Variants in CTNND2 observed in about 807,000 individuals in gnomAD.
CTNND2 encodes catenin delta-2.
A neutral mutation model predicts 144.4 loss-of-function variants in CTNND2; 22 were observed. The observed-to-expected ratio is 0.15, with a 90% CI of 0.11 to 0.22. CTNND2 has a LOEUF of 0.22. CTNND2 is among the 10% of genes least tolerant of loss of function. The pLI is 1.00. For synonymous variants in CTNND2, 751 were observed against 695.6 expected (o/e 1.08, Z -1.25); for missense variants, 1,353 against 1,618.8 (o/e 0.84, Z 2.82).
chr5:11,787,836 C>T (rs1452879151), intron 1 of CTNND2, among the ~76,000 whole-genome samples: 1 of 152,092 alleles, frequency 6.6e-6, no homozygotes, highest in Non-Finnish European at 1.5e-5. Flanking sequence ...TTTCTATTCC[C>T]TAGTGAGATT....
chr5:11,593,897 T>C (rs555556102), intron 2 of CTNND2, among the ~76,000 whole-genome samples: 1 of 150,322 alleles, frequency 6.7e-6, no homozygotes, highest in African/African-American at 2.5e-5. Flanking sequence ...TTAGAATGAT[T>C]AAAATTCAGA....
chr5:11,754,163 C>T (rs1355187835), intron 1 of CTNND2, among the ~76,000 whole-genome samples: 1 of 151,066 alleles, frequency 6.6e-6, no homozygotes, highest in Non-Finnish European at 1.5e-5. Flanking sequence ...ATTTTTTTCT[C>T]AGTTTCATTC....
intron 2 of CTNND2, among the ~76,000 whole-genome samples, chr5:11,730,495 C>T (rs376486439): frequency 7.9e-5 from 12 of 152,150 alleles, no homozygotes; most frequent in African/African-American, 2.7e-4. Context: ...TACACAGAGA[C>T]CATTCTTTTT....
At chr5:11,861,917 T>C (rs992942722) in intron 1 of CTNND2, among the ~76,000 whole-genome samples, 1 of 152,174 alleles carries the variant, frequency 6.6e-6, no homozygotes, top group African/African-American at 2.4e-5. Flanking sequence ...CCCTATCTTG[T>C]TGAAATATTA....
At chr5:11,181,782 G>A (rs980348899) in intron 11 of CTNND2, among the ~76,000 whole-genome samples, 67 of 149,084 alleles carry the variant, frequency 4.5e-4, no homozygotes, top group Non-Finnish European at 8.0e-4. Flanking sequence ...GTGTCTGTGT[G>A]TGTGTCTGTG....
At chr5:10,974,651 G>A (rs1442827533) in intron 21 of CTNND2, among the ~76,000 whole-genome samples, 2 of 152,304 alleles carry the variant, frequency 1.3e-5, no homozygotes, top group East Asian at 3.9e-4. Context: ...CTCTGCTAAT[G>A]TGCAGTAATT....
At chr5:11,719,835 C>CAT (rs759711815) in intron 2 of CTNND2, among the ~76,000 whole-genome samples, 71 of 59,544 alleles carry the variant, frequency 1.2e-3, no homozygotes, top group Non-Finnish European at 1.7e-3. Context: ...CTGACATATA[C>CAT]ACACACACAC....
At chr5:11,492,422 T>C (rs1436575917) in intron 3 of CTNND2, among the ~76,000 whole-genome samples, 2 of 152,082 alleles carry the variant, frequency 1.3e-5, no homozygotes, top group African/African-American at 2.4e-5. Flanking sequence ...AAAATGCATA[T>C]GTAGATATCT....
chr5:11,151,793 G>T (rs1757778422), intron 12 of CTNND2, among the ~76,000 whole-genome samples: 1 of 152,144 alleles, frequency 6.6e-6, no homozygotes, highest in African/African-American at 2.4e-5. Context: ...TATTCAAGGA[G>T]AAATCATTAT....
intron 9 of CTNND2, among the ~76,000 whole-genome samples, chr5:11,240,701 AACAC>A (rs372500298): frequency 6.8e-5 from 9 of 132,338 alleles, no homozygotes; most frequent in African/African-American, 8.8e-5. Context: ...ACAGACACCC[AACAC>A]ACACACACCC....
chr5:11,729,340 T>C (rs530492084), intron 2 of CTNND2, among the ~76,000 whole-genome samples: 2 of 152,312 alleles, frequency 1.3e-5, no homozygotes, highest in African/African-American at 4.8e-5. Context: ...CATCTAACTG[T>C]AAAACACAAA....
chr5:10,994,397 C>T (rs941594105), intron 18 of CTNND2, among the ~76,000 whole-genome samples: 1 of 12,890 alleles, frequency 7.8e-5, no homozygotes, highest in Non-Finnish European at 1.4e-4. Flanking sequence ...AGGAGGGGGG[C>T]GGGGAACGAG....
intron 3 of CTNND2, among the ~76,000 whole-genome samples, chr5:11,431,386 A>T (rs1318143287): frequency 6.6e-6 from 1 of 152,174 alleles, no homozygotes; most frequent in African/African-American, 2.4e-5. Context: ...TTGCCATTTC[A>T]TCCATTAAAA....
intron 9 of CTNND2, among the ~76,000 whole-genome samples, chr5:11,257,066 G>T (rs1744327624): frequency 6.6e-6 from 1 of 152,166 alleles, no homozygotes; most frequent in Non-Finnish European, 1.5e-5. Context: ...CAAGAGAAAG[G>T]TCACAGGAAA....
chr5:11,419,366 G>T (rs1762187720), intron 3 of CTNND2, among the ~76,000 whole-genome samples: 1 of 152,062 alleles, frequency 6.6e-6, no homozygotes, highest in Non-Finnish European at 1.5e-5. Flanking sequence ...CTTTGTGATT[G>T]CAGCCTTTAT....
intron 1 of CTNND2, among the ~76,000 whole-genome samples, chr5:11,736,801 A>C (rs1209908325): frequency 6.6e-6 from 1 of 152,198 alleles, no homozygotes; most frequent in Non-Finnish European, 1.5e-5. Flanking sequence ...CTGCCATTCC[A>C]GATAAGTAAA....
chr5:11,386,934 T>C (rs927796212), intron 6 of CTNND2, among the ~76,000 whole-genome samples: 2 of 152,120 alleles, frequency 1.3e-5, no homozygotes, highest in African/African-American at 2.4e-5. Flanking sequence ...TCCAGAGTCA[T>C]TGAGGGGGTG....
chr5:11,426,140 C>T (rs1162007570), intron 3 of CTNND2, among the ~76,000 whole-genome samples: 1 of 152,188 alleles, frequency 6.6e-6, no homozygotes, highest in Non-Finnish European at 1.5e-5. Context: ...TGAGCCTAAT[C>T]TCTCTCCTCC....
chr5:11,900,533 G>T (rs1298009890), intron 1 of CTNND2, among the ~76,000 whole-genome samples: 4 of 152,174 alleles, frequency 2.6e-5, no homozygotes, highest in Admixed American at 2.6e-4. Flanking sequence ...ATTTATTGAT[G>T]ACATGTTTAA....
Sources: allele counts gnomAD v4.1 joint callset (sites outside exome capture counted in the v4.1 genomes callset), GRCh38; gene constraint gnomAD v4.1.1; transcripts MANE v1.5; gene names NCBI Gene and HGNC (gene_info 2026-07-23, HGNC 2026-07-21).